The following LHFPL6 variants were observed in gnomAD, a reference collection of about 807,000 sequenced individuals.
The protein encoded by LHFPL6 is LHFPL tetraspan subfamily member 6 protein.
Under a neutral mutation model 20.6 loss-of-function variants are expected in LHFPL6, and 9 were observed. The ratio of observed to expected loss-of-function variants is 0.44; its 90% confidence interval spans 0.26 to 0.76. The LOEUF (loss-of-function observed/expected upper bound fraction) is 0.76. Ranked by LOEUF, LHFPL6 falls within the 30% of genes least tolerant of loss-of-function variation. The pLI, the probability that LHFPL6 is intolerant of heterozygous loss-of-function variation, is 0.20. For synonymous variants in LHFPL6, 105 were observed against 98.7 expected, an observed-to-expected ratio of 1.06 and a Z score of -0.38; for missense variants, 218 against 253.5, an observed-to-expected ratio of 0.86 and a Z score of 0.95.
At chr13:39,541,142 A>G (rs113584546) in intron 2 of LHFPL6, among the ~76,000 whole-genome samples, 35 of 152,192 alleles carry the variant, frequency 2.3e-4, no homozygotes, top group African/African-American at 8.4e-4. Flanking sequence ...AACATAAGCC[A>G]CCTCTGGGAA....
At chr13:39,429,586 G>A (rs1423478207) in intron 2 of LHFPL6, among the ~76,000 whole-genome samples, 1 of 151,844 alleles carries the variant, frequency 6.6e-6, no homozygotes, top group Non-Finnish European at 1.5e-5. Context: ...TCTATTTAAT[G>A]TGATTACTGA....
At chr13:39,458,055 A>T (rs1268143728) in intron 2 of LHFPL6, among the ~76,000 whole-genome samples, 2 of 152,192 alleles carry the variant, frequency 1.3e-5, no homozygotes, top group Non-Finnish European at 2.9e-5. Flanking sequence ...TACCTGTAAG[A>T]CAGTAATAAC....
chr13:39,401,316 T>C (rs1870985060), intron 2 of LHFPL6, among the ~76,000 whole-genome samples: 1 of 152,220 alleles, frequency 6.6e-6, no homozygotes, highest in African/African-American at 2.4e-5. Flanking sequence ...AGTTTGTTCC[T>C]CCCTCTCTGT....
chr13:39,441,510 C>A (rs898822248), intron 2 of LHFPL6, among the ~76,000 whole-genome samples: 4 of 151,068 alleles, frequency 2.6e-5, no homozygotes, highest in Non-Finnish European at 3.0e-5. Flanking sequence ...AAAAAAAATA[C>A]TTTATTATTA....
chr13:39,526,242 T>C (rs1870283104), intron 2 of LHFPL6, among the ~76,000 whole-genome samples: 1 of 152,190 alleles, frequency 6.6e-6, no homozygotes, highest in South Asian at 2.1e-4. Context: ...GGGTACTCAA[T>C]AAATTCTAGT....
chr13:39,552,710 C>A (rs973815493), intron 2 of LHFPL6, among the ~76,000 whole-genome samples: 18 of 152,256 alleles, frequency 1.2e-4, no homozygotes, highest in African/African-American at 4.3e-4. Context: ...CCAAGGGCAA[C>A]ATCTTGCAAT....
chr13:39,386,617 A>G (rs1265729538), intron 2 of LHFPL6, among the ~76,000 whole-genome samples: 1 of 152,234 alleles, frequency 6.6e-6, no homozygotes, highest in Non-Finnish European at 1.5e-5. Flanking sequence ...AACCAGAGAC[A>G]TGTTGTATTT....
intron 2 of LHFPL6, among the ~76,000 whole-genome samples, chr13:39,399,476 T>G (rs1405582933): frequency 1.3e-5 from 2 of 152,214 alleles, no homozygotes; most frequent in African/African-American, 4.8e-5. Flanking sequence ...AAGCAAGAGT[T>G]GAACAAGCTC....
chr13:39,600,533 T>C (rs1351978128), intron 2 of LHFPL6, among the ~76,000 whole-genome samples: 3 of 152,204 alleles, frequency 2.0e-5, no homozygotes, highest in Non-Finnish European at 4.4e-5. Context: ...CAAGAAGCTA[T>C]AAAATCCAAA....
intron 2 of LHFPL6, among the ~76,000 whole-genome samples, chr13:39,405,844 A>G (rs1489595544): frequency 1.3e-5 from 2 of 152,186 alleles, no homozygotes; most frequent in African/African-American, 4.8e-5. Context: ...CTAATGAAGG[A>G]CACACAAGAT....
At chr13:39,498,993 T>A (rs760706863) in intron 2 of LHFPL6, among the ~76,000 whole-genome samples, 48 of 152,186 alleles carry the variant, frequency 3.2e-4, no homozygotes, top group Non-Finnish European at 5.7e-4. Flanking sequence ...CCCAGGTAGC[T>A]GGGATTACAG....
chr13:39,529,144 T>G (rs1005105761), intron 2 of LHFPL6, among the ~76,000 whole-genome samples: 4 of 151,896 alleles, frequency 2.6e-5, no homozygotes, highest in Non-Finnish European at 5.9e-5. Flanking sequence ...CAGGCTGGAG[T>G]GCAGTGGCAT....
At chr13:39,346,030 A>T (rs1332542714) in intron 3 of LHFPL6, among the ~76,000 whole-genome samples, 1 of 152,124 alleles carries the variant, frequency 6.6e-6, no homozygotes, top group Admixed American at 6.5e-5. Context: ...AGCCACTTTT[A>T]CCTTGTTCAT....
chr13:39,395,835 T>C (rs2138374697), intron 2 of LHFPL6, among the ~76,000 whole-genome samples: 1 of 152,342 alleles, frequency 6.6e-6, no homozygotes, highest in Admixed American at 6.5e-5. Context: ...CAGTCTGTGG[T>C]AGGCTTTTCA....
chr13:39,416,468 C>A (rs1207042867), intron 2 of LHFPL6, among the ~76,000 whole-genome samples: 2 of 151,952 alleles, frequency 1.3e-5, no homozygotes, highest in African/African-American at 4.8e-5. Flanking sequence ...CACAATGATA[C>A]TTTTGATCAT....
chr13:39,359,104 G>C (rs1359711843), intron 3 of LHFPL6, among the ~76,000 whole-genome samples: 1 of 151,894 alleles, frequency 6.6e-6, no homozygotes, highest in Non-Finnish European at 1.5e-5. Context: ...GGATGTTTCA[G>C]TGAGCCGAGA....
intron 2 of LHFPL6, among the ~76,000 whole-genome samples, chr13:39,422,962 C>A (rs1200679261): frequency 2.0e-5 from 3 of 152,108 alleles, no homozygotes; most frequent in South Asian, 2.1e-4. Flanking sequence ...AAAAAAGCCC[C>A]TTAAAAAACC....
intron 2 of LHFPL6, among the ~76,000 whole-genome samples, chr13:39,497,285 T>C (rs942731691): frequency 3.9e-5 from 6 of 152,182 alleles, no homozygotes; most frequent in Admixed American, 3.3e-4. Context: ...GGCATTGACT[T>C]TGAATACCAT....
At chr13:39,413,069 A>T (rs1029224376) in intron 2 of LHFPL6, among the ~76,000 whole-genome samples, 1 of 152,230 alleles carries the variant, frequency 6.6e-6, no homozygotes, top group African/African-American at 2.4e-5. Flanking sequence ...ACGAGCCCTA[A>T]CTCTACCCCA....
Sources: gnomAD v4.1 joint callset for allele counts (sites outside exome capture counted in the v4.1 genomes callset) on GRCh38, gnomAD v4.1.1 for gene constraint, MANE v1.5 for transcripts, NCBI Gene and HGNC (gene_info 2026-07-23, HGNC 2026-07-21) for gene names.